The following GRM3 variants were observed in gnomAD, a reference collection of about 807,000 sequenced individuals.
GRM3 encodes metabotropic glutamate receptor 3.
A neutral mutation model predicts 70.5 loss-of-function variants in GRM3; 26 were observed. The observed-to-expected ratio is 0.37, with a 90% CI of 0.27 to 0.51. The LOEUF (loss-of-function observed/expected upper bound fraction) is 0.51, where lower values mean the gene tolerates loss of function less well. Ranked by LOEUF, GRM3 falls within the 20% of genes least tolerant of loss-of-function variation. The pLI, the probability that GRM3 is intolerant of heterozygous loss-of-function variation, is 0.93. For synonymous variants in GRM3, 443 were observed against 434.9 expected (o/e 1.02, Z -0.23); for missense variants, 859 against 1,123.8 (o/e 0.76, Z 3.37).
intron 1 of GRM3, among the ~76,000 whole-genome samples, chr7:86,675,198 C>T (rs1167639072): frequency 1.3e-5 from 2 of 151,994 alleles, no homozygotes; most frequent in Non-Finnish European, 2.9e-5. Context: ...CTTGGAGAAC[C>T]AGTACTGTGA....
Position 86,838,831 on chromosome 7 carries a change from T to C in GRM3, c.1325-8T>C. The C allele has an allele frequency of 6.5e-7, 1 of 1,542,798 alleles. No homozygotes were observed. The highest frequency in any genetic ancestry group is 8.9e-7 in the Non-Finnish European group (1 of 1,124,914). The stretch of plus-strand genomic sequence containing the variant: ...GTTCTTTTTTTTCTTTCACTTTACA[T>C]ATCACAGCTCCATTCAACCCAAATA... On this transcript the variant is annotated splice_region_variant and splice_polypyrimidine_tract_variant and intron_variant, in intron 3 of 5. Coordinates refer to ENST00000361669, the MANE Select transcript of GRM3 (RefSeq NM_000840.3).
At position 86,780,804 on chromosome 7, in the gene GRM3, A is replaced by G. The variant is rs80264305; in HGVS notation, c.469-5457A>G. Among the ~76,000 whole-genome samples, 88 of 152,356 alleles carry G rather than the reference A, an allele frequency of 5.8e-4. No homozygotes were observed. In the East Asian group the frequency reaches 0.014, roughly 24 times the overall value. On this transcript the variant is annotated intron_variant, in intron 2 of 5. Coordinates refer to ENST00000361669, the MANE Select transcript of GRM3 (RefSeq NM_000840.3). Reference sequence around the variant, plus strand: ...GTAAACGAATGTTTATGGAGTCACCACAAAGCACAGACTGACAAATGAAAA... The same window carrying G: ...GTAAACGAATGTTTATGGAGTCACCGCAAAGCACAGACTGACAAATGAAAA...
chr7:86,773,866 G>A (rs1036333851), intron 2 of GRM3, among the ~76,000 whole-genome samples: 3 of 151,938 alleles, frequency 2.0e-5, no homozygotes, highest in African/African-American at 7.3e-5. Flanking sequence ...TTCCCCTTCT[G>A]TCATGTATTT....
intron 1 of GRM3, among the ~76,000 whole-genome samples, chr7:86,736,836 T>C (rs894919971): frequency 1.3e-5 from 2 of 152,190 alleles, no homozygotes; most frequent in African/African-American, 2.4e-5. Context: ...TTAATGAAGA[T>C]CTAACATTCT....
At chr7:86,832,955 GAA>G (rs1798383795) in intron 3 of GRM3, 5 of 933,388 alleles carry the variant, frequency 5.4e-6, no homozygotes, top group Non-Finnish European at 6.4e-6. Context: ...AGAGTTTGGA[GAA>G]GGTTGTAAGT....
At position 86,764,996 on chromosome 7, in the gene GRM3, A is replaced by G; in HGVS notation, c.-140-10A>G. 6 of 1,452,902 alleles carry G rather than the reference A, an allele frequency of 4.1e-6. No homozygotes were observed. Among genetic ancestry groups the G allele is most frequent in the Middle Eastern group, 2.6e-4 (1 of 3,884 alleles). 90.0% of individuals were successfully genotyped at this position (1,452,902 alleles called of 1,614,324 possible). ...TACCATTTTTGTTCATATAATTTTT[A>G]TCTCTTTAGGAATTTTGTGACAGGC... On this transcript the variant is annotated splice_polypyrimidine_tract_variant and intron_variant, in intron 1 of 5. Coordinates refer to ENST00000361669, the MANE Select transcript of GRM3 (RefSeq NM_000840.3).
Position 86,786,332 on chromosome 7 carries a change from T to C in GRM3, c.540T>C (p.Asp180=), listed in dbSNP as rs764175509. The change falls in exon 3 of 6, where the codon GAT becomes GAC. Residue 180 remains aspartate (D), a synonymous_variant. Coordinates refer to ENST00000361669, the MANE Select transcript of GRM3 (RefSeq NM_000840.3). The surrounding 1 kb of genome is among the most constrained non-coding windows in gnomAD (Gnocchi z 6.0). The part of the protein sequence containing the change: ...SYASTSAKLS[D]KSRYDYFART... ...CATCCACCAGCGCCAAACTCAGTGATAAGTCGCGCTATGATTACTTTGCCA... is the reference window on the plus strand; with the variant it reads ...CATCCACCAGCGCCAAACTCAGTGACAAGTCGCGCTATGATTACTTTGCCA... 6 of 1,614,054 alleles carry C rather than the reference T, an allele frequency of 3.7e-6. No homozygotes were observed. Among genetic ancestry groups the C allele is most frequent in the Admixed American group, 3.3e-5 (2 of 60,000 alleles).
intron 1 of GRM3, among the ~76,000 whole-genome samples, chr7:86,668,309 T>G (rs550686903): frequency 1.3e-5 from 2 of 152,084 alleles, no homozygotes; most frequent in African/African-American, 4.8e-5. Context: ...TATGAACAAA[T>G]TTAGGTAATC....
In GRM3 at chr7:86,856,350, A is replaced by G. The variant is rs184850259; in HGVS notation, c.2566+5806A>G. ...AATCACAGCTACTCATGAGGCTGAG[A>G]CAGGAGAATTGCTTGAACCCGGGAG... On this transcript the variant is annotated intron_variant, in intron 5 of 5. Coordinates refer to ENST00000361669, the MANE Select transcript of GRM3 (RefSeq NM_000840.3). Among the ~76,000 whole-genome samples, 11 of 151,768 alleles carry G rather than the reference A, an allele frequency of 7.2e-5. No homozygotes were observed. The East Asian group carries it at 2.1e-3, about 30-fold the overall frequency.
intron 4 of GRM3, among the ~76,000 whole-genome samples, chr7:86,846,003 G>A (rs1336800434): frequency 6.6e-6 from 1 of 152,132 alleles, no homozygotes; most frequent in Non-Finnish European, 1.5e-5. Context: ...CAGAGCATTT[G>A]CTCTCTCATC....
Position 86,695,170 on chromosome 7 carries a change from A to G in GRM3, c.-141+50298A>G, listed in dbSNP as rs73398464. On this transcript the variant is annotated intron_variant, in intron 1 of 5. Transcript: ENST00000361669. ...AACTGAAGTTCATTGAACTGTAGGC[A>G]AAAAAAGACAATGAACTGTGGTAGA... Among the ~76,000 whole-genome samples the G allele has an allele frequency of 3.1e-3, 477 of 152,236 alleles. 4 individuals are homozygous for G. Among genetic ancestry groups the G allele is most frequent in the African/African-American group, 0.011 (452 of 41,558 alleles).
rs757956757 is a variant in GRM3, at chr7:86,786,663, G to A, written c.871G>A (p.Ala291Thr). The A allele has an allele frequency of 3.7e-6, 6 of 1,611,728 alleles. No individual in the cohort carries two copies. Among genetic ancestry groups the A allele is most frequent in the Admixed American group, 3.3e-5 (2 of 59,982 alleles). Residue 291 changes from alanine to threonine, a missense_variant, in exon 3 of 6, where the codon GCC (alanine) becomes ACC (threonine). Ala to Thr is a moderately conservative substitution (Grantham distance 58). Coordinates refer to ENST00000361669, the MANE Select transcript of GRM3 (RefSeq NM_000840.3). This position sits in a 1 kb window ranked among gnomAD's most constrained non-coding sequence, Gnocchi z 6.0. ...GGAGCTCATTGCAGCCGCCAGCCGC[G>A]CCAATGCCTCCTTCACCTGGGTGGC... ...SRELIAAASR[A>T]NASFTWVASD...
intron 1 of GRM3, 99 bp from the exon 2 acceptor site, chr7:86,764,907 T>C (rs17160953): frequency 0.019 from 13,837 of 747,782 alleles, 142 homozygotes; most frequent in Middle Eastern, 0.035. Flanking sequence ...TAGTAAATGG[T>C]TTTCTGAGTC....
At chr7:86,715,401 C>T (rs982073232) in intron 1 of GRM3, among the ~76,000 whole-genome samples, 29 of 152,104 alleles carry the variant, frequency 1.9e-4, no homozygotes, top group Admixed American at 3.3e-4. Flanking sequence ...TTCTTAACCT[C>T]CCTGAGCCTC....
At chr7:86,666,709 G>A (rs73704986) in intron 1 of GRM3, among the ~76,000 whole-genome samples, 3,204 of 151,812 alleles carry the variant, frequency 0.021, 117 homozygotes, top group African/African-American at 0.072. Flanking sequence ...TGTTTATGAA[G>A]CACATCTTAC....
intron 3 of GRM3, among the ~76,000 whole-genome samples, chr7:86,829,506 CTT>C (rs780187416): frequency 6.6e-6 from 1 of 152,170 alleles, no homozygotes; most frequent in Non-Finnish European, 1.5e-5. Context: ...TAGCTTTTGA[CTT>C]TAAGTGATTC....
intron 2 of GRM3, among the ~76,000 whole-genome samples, chr7:86,782,188 T>C (rs1047803823): frequency 4.7e-5 from 7 of 150,002 alleles, no homozygotes; most frequent in African/African-American, 1.7e-4. Flanking sequence ...CTCCTTCCCT[T>C]TCACCCTGTC....
intron 1 of GRM3, among the ~76,000 whole-genome samples, chr7:86,697,165 G>A (rs1434288538): frequency 6.6e-6 from 1 of 152,046 alleles, no homozygotes; most frequent in Non-Finnish European, 1.5e-5. Context: ...GGGAATGGGA[G>A]AGAAGAATCT....
intron 3 of GRM3, among the ~76,000 whole-genome samples, chr7:86,810,711 C>A (rs1797892667): frequency 6.6e-6 from 1 of 151,832 alleles, no homozygotes; most frequent in Non-Finnish European, 1.5e-5. Flanking sequence ...AGGTCTGCCC[C>A]AAATGGTTGT....
Sources: allele counts gnomAD v4.1 joint callset (sites outside exome capture counted in the v4.1 genomes callset), GRCh38; gene constraint gnomAD v4.1.1; non-coding constraint Gnocchi (gnomAD v3.1); transcripts MANE v1.5; gene names NCBI Gene and HGNC (gene_info 2026-07-23, HGNC 2026-07-21).